The following CR1 variants were observed in gnomAD, a reference collection of about 807,000 sequenced individuals.
CR1 encodes complement C3b/C4b receptor 1 (Knops blood group).
CR1 carries 116 observed loss-of-function variants against 187.3 expected under a neutral mutation model. The observed-to-expected ratio is 0.62, with a 90% CI of 0.53 to 0.72. CR1 has a LOEUF of 0.72. Among genes scored for constraint, CR1 ranks in the 30% least tolerant of loss-of-function variants. The pLI, the probability that CR1 is intolerant of heterozygous loss-of-function variation, is 0.00. For synonymous variants in CR1, 576 were observed against 747.1 expected (o/e 0.77, Z 3.73); for missense variants, 1,731 against 2,110.7 (o/e 0.82, Z 3.52).
intron 39 of CR1, among the ~76,000 whole-genome samples, chr1:207,613,454 G>A (rs1236093387): frequency 6.6e-6 from 1 of 152,166 alleles, no homozygotes; most frequent in Non-Finnish European, 1.5e-5. Flanking sequence ...TCAGAGGAAA[G>A]CACACCAAAT....
intron 34 of CR1, among the ~76,000 whole-genome samples, chr1:207,588,248 G>T (rs1661169639): frequency 6.6e-6 from 1 of 152,076 alleles, no homozygotes; most frequent in South Asian, 2.1e-4. Context: ...GCGCGATCTT[G>T]GCTGCAACCT....
intron 3 of CR1, among the ~76,000 whole-genome samples, chr1:207,509,814 A>G (rs190513796): frequency 8.5e-4 from 129 of 152,342 alleles, no homozygotes; most frequent in African/African-American, 2.8e-3. Flanking sequence ...ATAGGATTGC[A>G]GCTGTTCTTC....
In CR1 at chr1:207,617,981, T is replaced by C. The variant is rs186165468; in HGVS notation, c.6890-90T>C. 3.1e-5 allele frequency: 43 copies of C among 1,404,298 alleles called. No individual in the cohort carries two copies. The Admixed American group carries it at 5.4e-4, about 18-fold the overall frequency. 87.0% of individuals were successfully genotyped at this position (1,404,298 alleles called of 1,614,324 possible). On this transcript the variant is annotated intron_variant, in intron 41 of 46. Coordinates refer to ENST00000367049, the MANE Select transcript of CR1 (RefSeq NM_000651.6). ...GGTTGAGGTCTTCATGTACCTCTAA[T>C]AGCCAGAGATATTGGATGTGTTCAT...
intron 28 of CR1, 28 bp downstream of exon 28, chr1:207,575,708 C>G (rs371852421): frequency 1.2e-5 from 20 of 1,611,540 alleles, no homozygotes; most frequent in Non-Finnish European, 1.4e-5. Context: ...TCCCCATTCA[C>G]CCCACCATTG....
intron 3 of CR1, chr1:207,507,065 A>G: frequency 2.5e-6 from 1 of 397,474 alleles, no homozygotes; most frequent in Non-Finnish European, 4.6e-6. Flanking sequence ...GGTGGGAAGG[A>G]AGAAAATGGG....
chr1:207,580,493 T>C lies in CR1; in HGVS notation c.5114-18T>C, dbSNP rs764755260. 5 of 1,590,590 alleles carry C rather than the reference T, an allele frequency of 3.1e-6. No homozygotes were observed. The highest frequency in any genetic ancestry group is 4.3e-6 in the Non-Finnish European group (5 of 1,173,530). On this transcript the variant is annotated intron_variant, in intron 30 of 46. Coordinates refer to ENST00000367049, the MANE Select transcript of CR1 (RefSeq NM_000651.6). ...GTCTTACTCCTATTTTTTCTTTTTTTTTTTTTTCTTCTTCTAGTGAAATCC... is the reference window on the plus strand; with the variant it reads ...GTCTTACTCCTATTTTTTCTTTTTTCTTTTTTTCTTCTTCTAGTGAAATCC...
At chr1:207,510,724 C>CCCTTCCTTCTTTCCTTCCTT (rs1659582984) in intron 3 of CR1, among the ~76,000 whole-genome samples, 1 of 89,926 alleles carries the variant, frequency 1.1e-5, no homozygotes, top group Non-Finnish European at 2.3e-5. Flanking sequence ...GTTATGTATC[C>CCCTTCCTTCTTTCCTTCCTT]CCTTCCTTCC....
At chr1:207,581,874 G>T in intron 31 of CR1, 44 bp from the exon 32 acceptor site, 2 of 1,338,548 alleles carry the variant, frequency 1.5e-6, no homozygotes, top group Admixed American at 1.7e-5. Flanking sequence ...GAAGGGAAGA[G>T]AGAAATGGTG....
intron 29 of CR1, among the ~76,000 whole-genome samples, chr1:207,579,691 A>G (rs1660877360): frequency 6.6e-6 from 1 of 152,212 alleles, no homozygotes; most frequent in Non-Finnish European, 1.5e-5. Context: ...CAGTATAAAC[A>G]CAGTTGCCTG....
Position 207,609,320 on chromosome 1 carries a change from C to A in CR1, c.5927C>A (p.Ser1976Tyr), listed in dbSNP as rs117571325. Residue 1976 changes from serine to tyrosine, a missense_variant, in exon 37 of 47, where the codon TCC becomes TAC. Physicochemically the swap from Ser to Tyr is moderately radical, Grantham distance 144 (BLOSUM62 -2). Transcript: ENST00000367049. ...IISCEPPPTI[S>Y]NGDFYSNNRT... Reference sequence around the variant, plus strand: ...TCTTGTGAGCCACCTCCAACCATATCCAATGGAGACTTCTACAGCAACAAT... The same window carrying A: ...TCTTGTGAGCCACCTCCAACCATATACAATGGAGACTTCTACAGCAACAAT... 3.0e-5 allele frequency: 48 copies of A among 1,613,756 alleles called. No homozygotes were observed. In the East Asian group the frequency reaches 1.0e-3, roughly 35 times the overall value.
chr1:207,592,212 A>G (rs609297), intron 35 of CR1, among the ~76,000 whole-genome samples: 54,026 of 152,102 alleles, frequency 0.36, 13,253 homozygotes, highest in African/African-American at 0.69. Flanking sequence ...ACTGGCAAAC[A>G]AAATTCAGCA....
At chr1:207,636,395 A>T (rs1363999157) in intron 46 of CR1, among the ~76,000 whole-genome samples, 1 of 152,102 alleles carries the variant, frequency 6.6e-6, no homozygotes, top group Non-Finnish European at 1.5e-5. Flanking sequence ...TGTAGATGGC[A>T]TCTGACCATG....
chr1:207,628,221 T>C (rs1662537840), intron 45 of CR1, among the ~76,000 whole-genome samples: 1 of 152,164 alleles, frequency 6.6e-6, no homozygotes, highest in Non-Finnish European at 1.5e-5. Flanking sequence ...CCTTGGCCTT[T>C]CCACTCACTA....
intron 1 of CR1, among the ~76,000 whole-genome samples, chr1:207,501,442 G>A (rs1659265764): frequency 6.6e-6 from 1 of 152,056 alleles, no homozygotes; most frequent in African/African-American, 2.4e-5. Flanking sequence ...AATTATGGTA[G>A]GTCTTCAGTT....
At chr1:207,519,309 TAAAA>T (rs1241801401) in intron 4 of CR1, among the ~76,000 whole-genome samples, 1 of 151,776 alleles carries the variant, frequency 6.6e-6, no homozygotes, top group Admixed American at 6.6e-5. Flanking sequence ...TAATAAAAAT[TAAAA>T]ATAAATAAAT....
intron 45 of CR1, among the ~76,000 whole-genome samples, chr1:207,625,233 G>A (rs768881197): frequency 1.1e-4 from 16 of 152,044 alleles, no homozygotes; most frequent in African/African-American, 2.2e-4. Context: ...TTTCCATCTC[G>A]TAAAACCTGC....
chr1:207,611,532 T>C, intron 37 of CR1, 145 bp from the exon 38 acceptor site: 1 of 1,175,190 alleles, frequency 8.5e-7, no homozygotes, highest in South Asian at 1.6e-5. Context: ...TCCTTGTTAG[T>C]GAGATGTGGC....
intron 42 of CR1, among the ~76,000 whole-genome samples, 196 bp downstream of exon 42, chr1:207,618,443 C>T (rs1662213193): frequency 6.6e-6 from 1 of 152,210 alleles, no homozygotes; most frequent in Admixed American, 6.5e-5. Flanking sequence ...AGCAGTGCTT[C>T]TCCATCCAGA....
Position 207,611,810 on chromosome 1 carries a change from C to G in CR1, c.6429C>G (p.Cys2143Trp), listed in dbSNP as rs1459023366. The G allele has an allele frequency of 6.2e-7, 1 of 1,614,010 alleles. No homozygotes were observed. The highest frequency in any genetic ancestry group is 1.1e-5 in the South Asian group (1 of 91,086). ...YDLRGAASLH[C>W]TPQGDWSPEA... ...TCAGAGGGGCTGCGTCTCTGCACTG[C>G]ACGCCCCAGGGAGACTGGAGCCCTG... Residue 2143 changes from cysteine (C) to tryptophan (W), a missense_variant, in exon 38 of 47, where the codon TGC becomes TGG. Coordinates refer to ENST00000367049, the MANE Select transcript of CR1 (RefSeq NM_000651.6).
Sources: gnomAD v4.1 joint callset for allele counts (sites outside exome capture counted in the v4.1 genomes callset) on GRCh38, gnomAD v4.1.1 for gene constraint, MANE v1.5 for transcripts, NCBI Gene and HGNC (gene_info 2026-07-23, HGNC 2026-07-21) for gene names.